C1QTNF3: variants seen among roughly 807,000 people sequenced by gnomAD.
C1QTNF3 encodes the protein C1q and TNF related 3.
A neutral mutation model predicts 32.6 loss-of-function variants in C1QTNF3; 26 were observed. The observed-to-expected ratio is 0.80, with a 90% CI of 0.58 to 1.11. The LOEUF (loss-of-function observed/expected upper bound fraction) is 1.11. Ranked by LOEUF, C1QTNF3 falls within the 50% of genes least tolerant of loss-of-function variation. The pLI is 0.00. For synonymous variants in C1QTNF3, 155 were observed against 146.0 expected, an observed-to-expected ratio of 1.06 and a Z score of -0.44; for missense variants, 362 against 398.2, an observed-to-expected ratio of 0.91 and a Z score of 0.77.
At chr5:34,210,612 G>A in the C1QTNF3 span, among the ~76,000 whole-genome samples, 1 of 151,674 alleles carries the variant, frequency 6.6e-6, no homozygotes, top group Non-Finnish European at 1.5e-5. Context: ...AAGGAGACAG[G>A]CCTACTTATA....
chr5:34,157,740 A>C, the C1QTNF3 span, among the ~76,000 whole-genome samples: 1 of 152,180 alleles, frequency 6.6e-6, no homozygotes, highest in Non-Finnish European at 1.5e-5. Context: ...AAAGTCAAGG[A>C]AATAAAATAT....
At chr5:34,155,188 G>A in the C1QTNF3 span, among the ~76,000 whole-genome samples, 3 of 152,062 alleles carry the variant, frequency 2.0e-5, no homozygotes, top group Non-Finnish European at 2.9e-5. Flanking sequence ...TTATGTTTTG[G>A]TCCTATAATT....
rs115516421 is a variant in C1QTNF3 at position 34,039,637 on chromosome 5, G to A, written c.303+3186C>T. On this transcript the variant is annotated intron_variant, in intron 1 of 5. Coordinates refer to ENST00000382065, the MANE Select transcript of C1QTNF3 (RefSeq NM_181435.6). ...TTGGGAAATCATCCCCATGCGGTAT[G>A]TGTGTTTCTCCTATTGATCTGCCTT... 3.1e-3 allele frequency among the ~76,000 whole-genome samples: 477 copies of A among 152,322 alleles called. 5 individuals are homozygous for A. Among genetic ancestry groups the A allele is most frequent in the African/African-American group, 0.011 (451 of 41,570 alleles).
the C1QTNF3 span, chr5:34,124,589 T>C: frequency 1.8e-6 from 1 of 571,182 alleles, no homozygotes; most frequent in Non-Finnish European, 3.2e-6. Context: ...ACTAAGGGGA[T>C]GGTATTCATG....
At chr5:34,158,931 T>G in the C1QTNF3 span, among the ~76,000 whole-genome samples, 4 of 151,334 alleles carry the variant, frequency 2.6e-5, no homozygotes, top group African/African-American at 9.8e-5. Flanking sequence ...AGTGAGGGAT[T>G]TAGGAGAAAT....
At chr5:34,077,793 C>G in the C1QTNF3 span, among the ~76,000 whole-genome samples, 1 of 151,418 alleles carries the variant, frequency 6.6e-6, no homozygotes, top group Non-Finnish European at 1.5e-5. Context: ...ATAAGCCCAT[C>G]ATGGAGCTGA....
At chr5:34,217,199 G>A in the C1QTNF3 span, among the ~76,000 whole-genome samples, 2 of 152,056 alleles carry the variant, frequency 1.3e-5, no homozygotes, top group South Asian at 4.2e-4. Context: ...TTAACTTGAT[G>A]AATACAATTC....
the C1QTNF3 span, among the ~76,000 whole-genome samples, chr5:34,110,710 G>T: frequency 1.3e-5 from 2 of 152,058 alleles, no homozygotes; most frequent in South Asian, 2.1e-4. Flanking sequence ...TTATTGAAAA[G>T]AATTTCCTGT....
chr5:34,236,570 CTTTTTT>C, the C1QTNF3 span, among the ~76,000 whole-genome samples: 16 of 27,294 alleles, frequency 5.9e-4, no homozygotes, highest in African/African-American at 1.1e-3. Context: ...TTTCTTTTTT[CTTTTTT>C]TTTTTTTTTT....
At chr5:34,156,071 A>T in the C1QTNF3 span, among the ~76,000 whole-genome samples, 3 of 152,116 alleles carry the variant, frequency 2.0e-5, no homozygotes, top group Non-Finnish European at 4.4e-5. Flanking sequence ...ATTTTTAAAA[A>T]TTATTTATTT....
the C1QTNF3 span, among the ~76,000 whole-genome samples, chr5:34,122,345 C>A: frequency 1.3e-5 from 2 of 152,072 alleles, no homozygotes; most frequent in Non-Finnish European, 2.9e-5. Context: ...CAGAAATAAG[C>A]TTGGTAAAGG....
the C1QTNF3 span, among the ~76,000 whole-genome samples, chr5:34,163,135 C>T: frequency 1.3e-4 from 20 of 152,136 alleles, no homozygotes; most frequent in African/African-American, 3.6e-4. Context: ...GACATGTACA[C>T]GCTTGCATAT....
chr5:34,174,504 A>G, the C1QTNF3 span, among the ~76,000 whole-genome samples: 1 of 151,980 alleles, frequency 6.6e-6, no homozygotes, highest in Non-Finnish European at 1.5e-5. Context: ...TCACCTCATC[A>G]TGTTCATTCA....
chr5:34,055,458 G>A, the C1QTNF3 span, among the ~76,000 whole-genome samples: 60 of 152,296 alleles, frequency 3.9e-4, no homozygotes, highest in African/African-American at 1.4e-3. Context: ...GCACAGATGA[G>A]GCATTCAAAG....
At chr5:34,209,875 C>T in the C1QTNF3 span, among the ~76,000 whole-genome samples, 3 of 152,044 alleles carry the variant, frequency 2.0e-5, no homozygotes, top group African/African-American at 7.2e-5. Flanking sequence ...TTAAACAAAA[C>T]CTTTTAGTTA....
chr5:34,148,014 C>T, the C1QTNF3 span, among the ~76,000 whole-genome samples: 3 of 151,890 alleles, frequency 2.0e-5, no homozygotes, highest in Non-Finnish European at 4.4e-5. Flanking sequence ...ATGCGCGAGC[C>T]GAAGCAGGGC....
At chr5:34,196,837 T>A in the C1QTNF3 span, among the ~76,000 whole-genome samples, 6 of 152,248 alleles carry the variant, frequency 3.9e-5, no homozygotes, top group Non-Finnish European at 8.8e-5. Context: ...TTTTTTTGTA[T>A]TTTTAATAGA....
the C1QTNF3 span, among the ~76,000 whole-genome samples, chr5:34,214,798 C>T: frequency 6.6e-6 from 1 of 152,064 alleles, no homozygotes; most frequent in African/African-American, 2.4e-5. Context: ...TGCATTATAA[C>T]TTAAAGAGAT....
the C1QTNF3 span, among the ~76,000 whole-genome samples, chr5:34,203,428 C>T: frequency 6.6e-6 from 1 of 152,122 alleles, no homozygotes; most frequent in South Asian, 2.1e-4. Context: ...TTGCTCACAC[C>T]TGTAATCCCA....
Sources: allele counts gnomAD v4.1 joint callset (sites outside exome capture counted in the v4.1 genomes callset), GRCh38; gene constraint gnomAD v4.1.1; transcripts MANE v1.5; gene names NCBI Gene and HGNC (gene_info 2026-07-23, HGNC 2026-07-21).